Variants in ROS1 observed in about 807,000 individuals in gnomAD.
ROS1 encodes proto-oncogene tyrosine-protein kinase ROS.
ROS1 carries 263 observed loss-of-function variants against 273.5 expected under a neutral mutation model. The observed-to-expected ratio is 0.96, with a 90% CI of 0.87 to 1.06. The LOEUF (loss-of-function observed/expected upper bound fraction) is 1.06. Among genes scored for constraint, ROS1 ranks in the 50% least tolerant of loss-of-function variants. ROS1 has a pLI of 0.00. For missense variants in ROS1, 2,833 were observed against 2,751.1 expected, an observed-to-expected ratio of 1.03 and a Z score of -0.67; for synonymous variants, 1,008 against 954.1, an observed-to-expected ratio of 1.06 and a Z score of -1.04.
chr6:117,392,787 C>T (rs1248430088), intron 12 of ROS1, among the ~76,000 whole-genome samples: 2 of 152,126 alleles, frequency 1.3e-5, no homozygotes, highest in African/African-American at 4.8e-5. Flanking sequence ...TAAAGAACCT[C>T]TTGATAGATG....
chr6:117,308,658 ATATTT>A, intron 42 of ROS1, 131 bp downstream of exon 42: 1 of 752,892 alleles, frequency 1.3e-6, no homozygotes, highest in Middle Eastern at 2.9e-4. Flanking sequence ...CAATGAATTG[ATATTT>A]TATGTGGGGT....
chr6:117,314,790 G>A (rs1230109240), intron 39 of ROS1, among the ~76,000 whole-genome samples: 4 of 152,118 alleles, frequency 2.6e-5, no homozygotes, highest in Non-Finnish European at 5.9e-5. Flanking sequence ...CATATGTCAG[G>A]GAAAAGATTC....
chr6:117,391,442 G>C (rs767070261), intron 12 of ROS1, among the ~76,000 whole-genome samples: 1 of 152,148 alleles, frequency 6.6e-6, no homozygotes, highest in Non-Finnish European at 1.5e-5. Flanking sequence ...AGAGTGAGGA[G>C]GAGAAGCTGG....
At chr6:117,424,984 C>A in intron 1 of ROS1, among the ~76,000 whole-genome samples, 1 of 151,460 alleles carries the variant, frequency 6.6e-6, no homozygotes, top group Non-Finnish European at 1.5e-5. Flanking sequence ...GGGATGACAC[C>A]CAGAAATGAG....
chr6:117,352,114 T>A (rs1443029762), intron 27 of ROS1, among the ~76,000 whole-genome samples: 1 of 152,186 alleles, frequency 6.6e-6, no homozygotes, highest in Non-Finnish European at 1.5e-5. Context: ...CGAGTCTCGC[T>A]CAGTCGCCCA....
chr6:117,405,939 C>A (rs1774363515), intron 5 of ROS1, among the ~76,000 whole-genome samples: 1 of 152,148 alleles, frequency 6.6e-6, no homozygotes, highest in Non-Finnish European at 1.5e-5. Flanking sequence ...ACAAAAGGAG[C>A]TAATACATAT....
Position 117,342,399 on chromosome 6 carries a change from C to T in ROS1, c.4651+1G>A, listed in dbSNP as rs2128623740. 1.2e-6 allele frequency: 2 copies of T among 1,611,810 alleles called. No individual in the cohort carries two copies. Among genetic ancestry groups the T allele is most frequent in the Non-Finnish European group, 1.7e-6 (2 of 1,178,738 alleles). On this transcript the variant is annotated splice_donor_variant, in intron 29 of 43. Coordinates refer to ENST00000368507, the MANE Select transcript of ROS1 (RefSeq NM_001378902.1). LOFTEE classifies it high-confidence loss of function. ...AAACCCACAACAAGCCCATAACTTA[C>T]CTCCATTTTTAGTTTTTCCCCAAAT... is the stretch of plus-strand genomic sequence containing the variant.
At chr6:117,336,196 G>A (rs1245403444) in intron 32 of ROS1, among the ~76,000 whole-genome samples, 1 of 151,922 alleles carries the variant, frequency 6.6e-6, no homozygotes, top group East Asian at 1.9e-4. Context: ...TGGGGTACAT[G>A]TGCAGGACGT....
At chr6:117,290,041 G>T (rs934485644) in intron 43 of ROS1, among the ~76,000 whole-genome samples, 5 of 152,100 alleles carry the variant, frequency 3.3e-5, no homozygotes, top group Non-Finnish European at 2.9e-5. Flanking sequence ...AAAGAAATCA[G>T]TCTAAAGGAA....
intron 13 of ROS1, among the ~76,000 whole-genome samples, chr6:117,388,551 C>T (rs1049152856): frequency 6.6e-6 from 1 of 152,146 alleles, no homozygotes; most frequent in Non-Finnish European, 1.5e-5. Context: ...CCAAACCTGG[C>T]CCACTGTTTC....
chr6:117,352,864 G>A, intron 27 of ROS1, 126 bp downstream of exon 27: 1 of 779,260 alleles, frequency 1.3e-6, no homozygotes, highest in Non-Finnish European at 2.1e-6. Context: ...AAGACTAGCA[G>A]AGTTTGGAGC....
chr6:117,416,406 C>A, intron 2 of ROS1, 89 bp from the exon 3 acceptor site: 1 of 841,890 alleles, frequency 1.2e-6, no homozygotes, highest in Non-Finnish European at 2.0e-6. Context: ...TAACAAAAGG[C>A]ATCACTCTGT....
intron 43 of ROS1, among the ~76,000 whole-genome samples, chr6:117,293,695 T>C (rs1328114558): frequency 2.6e-5 from 4 of 152,080 alleles, no homozygotes; most frequent in Non-Finnish European, 4.4e-5. Flanking sequence ...TAGAAAGGAA[T>C]CAGAAGTCAT....
chr6:117,393,825 T>C (rs2128712028), intron 11 of ROS1, among the ~76,000 whole-genome samples: 1 of 152,334 alleles, frequency 6.6e-6, no homozygotes, highest in South Asian at 2.1e-4. Context: ...TAATTTTAAA[T>C]GCTTGCAGCT....
rs778643336 is a variant in ROS1, at chr6:117,387,877, C to A, written c.1902G>T (p.Leu634=). ...ISGTMLNVPE[L]QSAMKYKVSV... ...AAACCTTGTATTTCATAGCACTCTG[C>A]AGCTCAGGTACATTCAGCATGGTTC... Residue 634 remains leucine, a synonymous_variant, in exon 14 of 44, where the codon CTG becomes CTT. Coordinates refer to ENST00000368507, the MANE Select transcript of ROS1 (RefSeq NM_001378902.1). 8 of 1,614,170 alleles carry A rather than the reference C, an allele frequency of 5.0e-6. No homozygotes were observed. In the East Asian group the frequency reaches 1.1e-4, roughly 22 times the overall value.
intron 42 of ROS1, among the ~76,000 whole-genome samples, chr6:117,304,535 T>C (rs1437210222): frequency 6.6e-6 from 1 of 152,222 alleles, no homozygotes; most frequent in African/African-American, 2.4e-5. Flanking sequence ...GGTCCAAAAA[T>C]ATTTAAAGGA....
intron 24 of ROS1, among the ~76,000 whole-genome samples, chr6:117,358,550 C>T (rs1779522159): frequency 6.6e-6 from 1 of 151,964 alleles, no homozygotes; most frequent in Non-Finnish European, 1.5e-5. Flanking sequence ...ACCTTCGCCT[C>T]CTGGGTTCAA....
At position 117,360,483 on chromosome 6, in the gene ROS1, T is replaced by C. The variant is rs1187729592; in HGVS notation, c.3367-78A>G. 17 of 935,708 alleles carry C rather than the reference T, an allele frequency of 1.8e-5. No individual in the cohort carries two copies. The East Asian group carries it at 3.6e-4, about 20-fold the overall frequency. 58.0% of individuals were successfully genotyped at this position (935,708 alleles called of 1,614,324 possible). A position where few individuals can be genotyped will look rare whatever the true frequency, so the allele number is the denominator to read the frequency against. ...TTAAGTTCTGAGACTGAGAGATTAC[T>C]AAATGTTTCATTTCATACTCCTGAT... On this transcript the variant is annotated intron_variant, in intron 22 of 43. Transcript: ENST00000368507.
Position 117,403,148 on chromosome 6 carries a change from G to A in ROS1, c.595C>T (p.Pro199Ser), listed in dbSNP as rs1451448120. 6.2e-7 allele frequency: 1 copy of A among 1,613,888 alleles called. No homozygotes were observed. Among genetic ancestry groups the A allele is most frequent in the Admixed American group, 1.7e-5 (1 of 59,970 alleles). The change falls in exon 7 of 44, where the codon CCT (proline) becomes TCT (serine). Residue 199 changes from proline to serine, a missense_variant. Coordinates refer to ENST00000368507, the MANE Select transcript of ROS1 (RefSeq NM_001378902.1). Reference sequence around the variant, plus strand: ...TGTGTGCACACCATACCTCCATGAGGATGAGTCCTGTAACTGGGACTTGGA... The same window carrying A: ...TGTGTGCACACCATACCTCCATGAGAATGAGTCCTGTAACTGGGACTTGGA... ...SPPSPSYRTH[P>S]HGVPETAPLI... is the part of the protein sequence containing the mutation.
Sources: gnomAD v4.1 joint callset for allele counts (sites outside exome capture counted in the v4.1 genomes callset) on GRCh38, gnomAD v4.1.1 for gene constraint, MANE v1.5 for transcripts, NCBI Gene and HGNC (gene_info 2026-07-23, HGNC 2026-07-21) for gene names.